PRDM10: variants seen among roughly 807,000 people sequenced by gnomAD.
PRDM10 encodes the protein PR domain zinc finger protein 10.
PRDM10 carries 65 observed loss-of-function variants against 133.1 expected under a neutral mutation model. The observed-to-expected ratio is 0.49, with a 90% CI of 0.40 to 0.60. The LOEUF is 0.60. PRDM10 is among the 20% of genes least tolerant of loss of function. The pLI is 0.00. For missense variants in PRDM10, 1,137 were observed against 1,507.1 expected, an observed-to-expected ratio of 0.75 and a Z score of 4.07; for synonymous variants, 582 against 580.4, an observed-to-expected ratio of 1.00 and a Z score of -0.04.
chr11:129,905,146 G>A (rs1949972185), intron 20 of PRDM10, among the ~76,000 whole-genome samples: 1 of 152,078 alleles, frequency 6.6e-6, no homozygotes, highest in African/African-American at 2.4e-5. Context: ...GGCGGATCAT[G>A]AGGTCAGGAG....
chr11:129,997,805 T>C (rs979658835), intron 1 of PRDM10, among the ~76,000 whole-genome samples: 2 of 152,216 alleles, frequency 1.3e-5, no homozygotes, highest in African/African-American at 4.8e-5. Flanking sequence ...TCAGTAACAG[T>C]TAACTCAATT....
intron 8 of PRDM10, 85 bp downstream of exon 8, chr11:129,937,513 A>G: frequency 7.7e-7 from 1 of 1,306,098 alleles, no homozygotes; most frequent in Non-Finnish European, 1.0e-6. Flanking sequence ...TACTGAGACA[A>G]AAAAAAAATT....
At chr11:129,926,434 G>T (rs1280991663) in intron 11 of PRDM10, among the ~76,000 whole-genome samples, 1 of 152,220 alleles carries the variant, frequency 6.6e-6, no homozygotes, top group Non-Finnish European at 1.5e-5. Context: ...GAATGGCTGT[G>T]CCTATGTAGC....
chr11:129,985,084 A>T (rs1938337113), intron 1 of PRDM10, among the ~76,000 whole-genome samples: 1 of 152,170 alleles, frequency 6.6e-6, no homozygotes, highest in Non-Finnish European at 1.5e-5. Context: ...CTGATGAGGG[A>T]GTGTCCCCAG....
Position 129,915,824 on chromosome 11 carries a change from G to A in PRDM10, c.2362C>T (p.Leu788=), listed in dbSNP as rs1280713247. 1.5e-5 allele frequency: 24 copies of A among 1,614,220 alleles called. No individual in the cohort carries two copies. The highest frequency in any genetic ancestry group is 1.9e-5 in the Non-Finnish European group (23 of 1,180,036). The part of the protein sequence containing the change: ...KSASKRKAHI[L]KNHPGAELPP... ...AGCTCTGCTCCTGGGTGGTTCTTCA[G>A]AATGTGGGCTTTGCGCTTGCTGGCA... Residue 788 remains leucine (L), a synonymous_variant, in exon 16 of 21, where the codon CTG becomes TTG. Coordinates refer to ENST00000360871, the MANE Select transcript of PRDM10 (RefSeq NM_199437.2).
chr11:129,963,842 T>C (rs186285554), intron 1 of PRDM10, among the ~76,000 whole-genome samples: 526 of 152,318 alleles, frequency 3.5e-3, no homozygotes, highest in Non-Finnish European at 3.9e-3. Flanking sequence ...ATGAATGTCC[T>C]TTAAAAAGAA....
intron 6 of PRDM10, among the ~76,000 whole-genome samples, chr11:129,943,675 C>T (rs1951288980): frequency 6.6e-6 from 1 of 152,126 alleles, no homozygotes; most frequent in Non-Finnish European, 1.5e-5. Context: ...ACCTGGGCAA[C>T]ATGGCAAGAC....
At chr11:129,974,710 G>A (rs1478498410) in intron 1 of PRDM10, among the ~76,000 whole-genome samples, 4 of 152,152 alleles carry the variant, frequency 2.6e-5, no homozygotes, top group African/African-American at 4.8e-5. Flanking sequence ...ATTCTCAGAC[G>A]CCTGAAGACA....
chr11:129,924,961 T>C lies in PRDM10; in HGVS notation c.1799A>G (p.Lys600Arg). ...PESFDRLDLL[K>R]DHVAIHINDG... ...ATTGATATGAATGGCCACATGATCTTTCAACAAATCAAGGCGGTCAAAGGA... is the reference window on the plus strand; with the variant it reads ...ATTGATATGAATGGCCACATGATCTCTCAACAAATCAAGGCGGTCAAAGGA... The change falls in exon 12 of 21, where the codon AAA (lysine) becomes AGA (arginine). Residue 600 changes from lysine (K) to arginine (R), a missense_variant. By Grantham distance (26) the Lys-to-Arg change is conservative. Transcript: ENST00000360871. The C allele has an allele frequency of 1.2e-6, 2 of 1,614,196 alleles. No homozygotes were observed. The highest frequency in any genetic ancestry group is 3.3e-4 in the Middle Eastern group (2 of 6,062).
Position 129,918,866 on chromosome 11 carries a change from T to C in PRDM10, c.2035-148A>G. The stretch of plus-strand genomic sequence containing the variant: ...TTGCTGGAACACTAGGACGCAGACA[T>C]GTTAAAAGTGGCTGGGAGTTACTCT... On this transcript the variant is annotated intron_variant, in intron 13 of 20. Coordinates refer to ENST00000360871, the MANE Select transcript of PRDM10 (RefSeq NM_199437.2). This position sits in a 1 kb window ranked among gnomAD's most constrained non-coding sequence, Gnocchi z 5.3. 1 of 786,540 alleles carries C rather than the reference T, an allele frequency of 1.3e-6. No homozygotes were observed. The highest frequency in any genetic ancestry group is 2.8e-5 in the Admixed American group (1 of 35,318). The allele number at this position is 786,540 out of a possible 1,614,324, so 48.7% of individuals were successfully genotyped here.
chr11:129,921,918 C>T (rs1411898749), intron 13 of PRDM10, among the ~76,000 whole-genome samples: 1 of 152,236 alleles, frequency 6.6e-6, no homozygotes, highest in African/African-American at 2.4e-5. Context: ...CAGTCTTTCA[C>T]AGACCACACC....
chr11:130,000,446 A>G (rs980266235), intron 1 of PRDM10, among the ~76,000 whole-genome samples: 10 of 152,240 alleles, frequency 6.6e-5, no homozygotes, highest in African/African-American at 2.4e-4. Context: ...ATTTGGGATT[A>G]TATTGAGTTG....
At chr11:129,977,120 A>T (rs1163442326) in intron 1 of PRDM10, among the ~76,000 whole-genome samples, 1 of 152,080 alleles carries the variant, frequency 6.6e-6, no homozygotes, top group Non-Finnish European at 1.5e-5. Context: ...TCACTTGCTC[A>T]TTCCACTGTC....
chr11:129,962,102 C>A (rs1177959539), intron 1 of PRDM10, among the ~76,000 whole-genome samples: 1 of 152,158 alleles, frequency 6.6e-6, no homozygotes, highest in Non-Finnish European at 1.5e-5. Flanking sequence ...CTCACATGGT[C>A]AGTGTTGGAG....
At chr11:129,965,106 A>G (rs1951878089) in intron 1 of PRDM10, among the ~76,000 whole-genome samples, 1 of 152,144 alleles carries the variant, frequency 6.6e-6, no homozygotes, top group African/African-American at 2.4e-5. Flanking sequence ...CAGCCTGAGG[A>G]TTTGTCAGCA....
At position 129,948,850 on chromosome 11, in the gene PRDM10, C is replaced by T. The variant is rs528251907; in HGVS notation, c.295-1480G>A. On this transcript the variant is annotated intron_variant, in intron 4 of 20. Transcript: ENST00000360871. The stretch of plus-strand genomic sequence containing the variant: ...AGGGTGCATTAGTGTTTACGTTGGC[C>T]ACGTTGCTCTACTGCAGACCCATCC... Among the ~76,000 whole-genome samples, 3 of 152,220 alleles carry T rather than the reference C, an allele frequency of 2.0e-5. No individual in the cohort carries two copies. In the South Asian group the frequency reaches 6.2e-4, roughly 32 times the overall value.
intron 17 of PRDM10, among the ~76,000 whole-genome samples, chr11:129,913,733 A>C (rs973404544): frequency 3.9e-5 from 6 of 152,154 alleles, no homozygotes; most frequent in Admixed American, 6.5e-5. Context: ...CATAAGAAAA[A>C]CAAGACAAAG....
At chr11:129,980,567 T>C (rs1375416030) in intron 1 of PRDM10, among the ~76,000 whole-genome samples, 2 of 152,200 alleles carry the variant, frequency 1.3e-5, no homozygotes, top group African/African-American at 4.8e-5. Context: ...AAACAAGTCC[T>C]GGTTGGGGAC....
At chr11:129,998,477 A>C (rs774851185) in intron 1 of PRDM10, among the ~76,000 whole-genome samples, 1 of 152,236 alleles carries the variant, frequency 6.6e-6, no homozygotes, top group African/African-American at 2.4e-5. Flanking sequence ...ACTACAGCCT[A>C]TGTTAGCAGA....
Sources: gnomAD v4.1 joint callset for allele counts (sites outside exome capture counted in the v4.1 genomes callset) on GRCh38, gnomAD v4.1.1 for gene constraint, Gnocchi (gnomAD v3.1) non-coding constraint, MANE v1.5 for transcripts, NCBI Gene and HGNC (gene_info 2026-07-23, HGNC 2026-07-21) for gene names.